PTCH1: variants seen among roughly 807,000 people sequenced by gnomAD.
PTCH1 encodes the protein patched 1.
Under a neutral mutation model 144.6 loss-of-function variants are expected in PTCH1, and 14 were observed. That is an observed-to-expected ratio of 0.10 (90% CI 0.06 to 0.15). The LOEUF (loss-of-function observed/expected upper bound fraction) is 0.15, where lower values mean the gene tolerates loss of function less well. PTCH1 is among the 10% of genes least tolerant of loss of function. The probability of loss-of-function intolerance (pLI) is 1.00; values close to 1 mark genes in which losing one functional copy is unlikely to be tolerated. For synonymous variants in PTCH1, 833 were observed against 793.6 expected (o/e 1.05, Z -0.83); for missense variants, 1,623 against 1,948.3 (o/e 0.83, Z 3.14).
intron 2 of PTCH1, among the ~76,000 whole-genome samples, chr9:95,493,985 G>A (rs948066308): frequency 6.6e-6 from 1 of 152,084 alleles, no homozygotes; most frequent in African/African-American, 2.4e-5. Context: ...GCTACAATCA[G>A]CCCAAAGAGA....
chr9:95,511,100 C>G (rs1348076803), upstream of PTCH1, among the ~76,000 whole-genome samples: 2 of 149,746 alleles, frequency 1.3e-5, no homozygotes, highest in Non-Finnish European at 3.0e-5. Context: ...GTCGCGCTCA[C>G]GAGTCCCTGC....
At chr9:95,516,425 C>A (rs777184665) in intron 1 of PTCH1, 3 of 1,355,298 alleles carry the variant, frequency 2.2e-6, no homozygotes, top group Non-Finnish European at 2.8e-6. Context: ...GCACGGCGCG[C>A]GAGGCGAGGT....
rs772368023 is a variant in PTCH1, at chr9:95,485,748, G to A, written c.521C>T (p.Ala174Val). ...EEGANVLTTEALLQHLDSALQ... is the reference protein window; with the variant it reads ...EEGANVLTTEVLLQHLDSALQ... The stretch of plus-strand genomic sequence containing the variant: ...TGCCGAGTCCAGGTGTTGTAGGAGC[G>A]CTTCTGTGGTCAGGACATTAGCACC... Residue 174 changes from alanine to valine, a missense_variant, in exon 3 of 24, where the codon GCG (alanine) becomes GTG (valine). This residue lies in a region of PTCH1 where 245 missense variants were observed against 240.6 expected (regional missense o/e 1.02). Transcript: ENST00000331920. 66 of 1,614,054 alleles carry A rather than the reference G, an allele frequency of 4.1e-5. No homozygotes were observed. Among genetic ancestry groups the A allele is most frequent in the Non-Finnish European group, 5.3e-5 (63 of 1,180,038 alleles).
chr9:95,489,668 A>G (rs1028390794), intron 2 of PTCH1, among the ~76,000 whole-genome samples: 10 of 151,584 alleles, frequency 6.6e-5, no homozygotes, highest in African/African-American at 1.9e-4. Context: ...AAGTCCTAAC[A>G]TATTTTTAAA....
intron 2 of PTCH1, among the ~76,000 whole-genome samples, chr9:95,486,873 A>G (rs1353058980): frequency 6.6e-6 from 1 of 152,142 alleles, no homozygotes; most frequent in Non-Finnish European, 1.5e-5. Flanking sequence ...AGGAACCTAG[A>G]GCTCCCCCAC....
upstream of PTCH1, among the ~76,000 whole-genome samples, chr9:95,511,182 G>T (rs1197806635): frequency 6.7e-6 from 1 of 150,308 alleles, no homozygotes; most frequent in Non-Finnish European, 1.5e-5. Flanking sequence ...CCACCGGGGC[G>T]GTCCACGCGG....
At chr9:95,493,617 C>T (rs1407877238) in intron 2 of PTCH1, among the ~76,000 whole-genome samples, 1 of 152,196 alleles carries the variant, frequency 6.6e-6, no homozygotes, top group African/African-American at 2.4e-5. Flanking sequence ...GCAAGCGTTG[C>T]ATTTGCATTT....
intron 3 of PTCH1, among the ~76,000 whole-genome samples, chr9:95,484,971 T>TGA (rs1189157997): frequency 6.6e-6 from 1 of 152,056 alleles, no homozygotes; most frequent in Non-Finnish European, 1.5e-5. Flanking sequence ...TTTGGGAGGC[T>TGA]GAGGCAGGCG....
chr9:95,469,661 G>A (rs1220666822), intron 13 of PTCH1, 152 bp downstream of exon 13: 4 of 833,056 alleles, frequency 4.8e-6, no homozygotes, highest in African/African-American at 1.7e-5. Context: ...GTCCCCCTAG[G>A]GAAGCAGCCT....
Position 95,476,181 on chromosome 9 carries a change from G to A in PTCH1, c.1603-22C>T, listed in dbSNP as rs1413796176. On this transcript the variant is annotated intron_variant, in intron 11 of 23. Coordinates refer to ENST00000331920, the MANE Select transcript of PTCH1 (RefSeq NM_000264.5). The surrounding 1 kb of genome is among the most constrained non-coding windows in gnomAD (Gnocchi z 4.6). ...TGTCCTGGGAATAAAAAAACACAGC[G>A]CTGAGAGCTGCACTGGACATGGTCC... 4.4e-6 allele frequency: 7 copies of A among 1,604,394 alleles called. No individual in the cohort carries two copies. The highest frequency in any genetic ancestry group is 1.3e-5 in the African/African-American group (1 of 74,684).
At chr9:95,492,516 T>C (rs1027157309) in intron 2 of PTCH1, among the ~76,000 whole-genome samples, 11 of 152,126 alleles carry the variant, frequency 7.2e-5, no homozygotes, top group African/African-American at 2.4e-4. Context: ...TATCTTAAAA[T>C]ATCGTATAAA....
rs2118916029 is a variant in PTCH1 at position 95,508,877 on chromosome 9, A to G, written c.-516T>C. ...GAGCGGCCGCGGAGGGCAAGCGCAG[A>G]GCCGCCGCCGCCGCGGGGTCCGAGG... On this transcript the variant is annotated 5_prime_UTR_variant, in exon 1 of 24. Coordinates refer to ENST00000331920, the MANE Select transcript of PTCH1 (RefSeq NM_000264.5). The G allele has an allele frequency of 1.1e-6, 1 of 947,684 alleles. No individual in the cohort carries two copies. Among genetic ancestry groups the G allele is most frequent in the Non-Finnish European group, 1.3e-6 (1 of 798,332 alleles). 58.7% of individuals were successfully genotyped at this position (947,684 alleles called of 1,614,324 possible). A position where few individuals can be genotyped will look rare whatever the true frequency, so the allele number is the denominator to read the frequency against.
chr9:95,482,245 T>A (rs1841601627), intron 3 of PTCH1, 42 bp from the exon 4 acceptor site: 2 of 1,569,644 alleles, frequency 1.3e-6, no homozygotes, highest in African/African-American at 2.7e-5. Context: ...CTCACTGTAA[T>A]AAGAAAATTA....
At chr9:95,506,026 G>T (rs2118864538) in intron 2 of PTCH1, among the ~76,000 whole-genome samples, 1 of 148,118 alleles carries the variant, frequency 6.8e-6, no homozygotes, top group Non-Finnish European at 1.5e-5. Flanking sequence ...AGAAAGCCGG[G>T]CCGCGGAGCG....
upstream of PTCH1, among the ~76,000 whole-genome samples, chr9:95,510,016 A>C (rs1844066377): frequency 2.0e-5 from 3 of 150,978 alleles, no homozygotes; most frequent in East Asian, 1.9e-4. Flanking sequence ...AAAAAAAAAA[A>C]CACAGTCTTG....
At chr9:95,512,334 G>T (rs554307926), upstream of PTCH1, among the ~76,000 whole-genome samples, 1 of 152,274 alleles carries the variant, frequency 6.6e-6, no homozygotes, top group Admixed American at 6.5e-5. Flanking sequence ...GTTCCAGGAC[G>T]CACTCCGGAG....
intron 5 of PTCH1, chr9:95,481,714 G>A (rs1841546616): frequency 3.5e-6 from 2 of 572,006 alleles, no homozygotes; most frequent in Non-Finnish European, 6.2e-6. Context: ...CATATAAATA[G>A]GTTGGTAAAA....
intron 14 of PTCH1, 129 bp downstream of exon 14, chr9:95,468,622 A>G (rs1267596811): frequency 6.3e-6 from 8 of 1,266,622 alleles, no homozygotes; most frequent in South Asian, 1.3e-5. Context: ...GAGGACTGAA[A>G]TGTATCATAC....
In PTCH1 at chr9:95,447,466, G is replaced by T. The variant is rs775202003; in HGVS notation, c.3805-15C>A. 6.4e-7 allele frequency: 1 copy of T among 1,553,178 alleles called. No individual in the cohort carries two copies. Among genetic ancestry groups the T allele is most frequent in the Non-Finnish European group, 8.7e-7 (1 of 1,155,794 alleles). ...GGATGGACCACCTGCAGAGGGTGAGGGTGGGTTAGAAGGGTGGTATCCCAG... is the reference window on the plus strand; with the variant it reads ...GGATGGACCACCTGCAGAGGGTGAGTGTGGGTTAGAAGGGTGGTATCCCAG... On this transcript the variant is annotated splice_polypyrimidine_tract_variant and intron_variant, in intron 22 of 23. Coordinates refer to ENST00000331920, the MANE Select transcript of PTCH1 (RefSeq NM_000264.5).
Sources: allele counts gnomAD v4.1 joint callset (sites outside exome capture counted in the v4.1 genomes callset), GRCh38; gene constraint gnomAD v4.1.1; regional missense constraint gnomAD v4.1.1; non-coding constraint Gnocchi (gnomAD v3.1); transcripts MANE v1.5; gene names NCBI Gene and HGNC (gene_info 2026-07-23, HGNC 2026-07-21).